The following DCAF1 variants were observed in gnomAD, a reference collection of about 807,000 sequenced individuals.
The protein encoded by DCAF1 is DDB1- and CUL4-associated factor 1.
DCAF1 carries 15 observed loss-of-function variants against 128.0 expected under a neutral mutation model. The ratio of observed to expected loss-of-function variants is 0.12; its 90% CI spans 0.08 to 0.18. The LOEUF (loss-of-function observed/expected upper bound fraction) is 0.18. Ranked by LOEUF, DCAF1 falls within the 10% of genes least tolerant of loss-of-function variation. The probability of loss-of-function intolerance (pLI) is 1.00; values close to 1 mark genes in which losing one functional copy is unlikely to be tolerated. For synonymous variants in DCAF1, 610 were observed against 603.0 expected (o/e 1.01, Z -0.17); for missense variants, 988 against 1,649.5 (o/e 0.60, Z 6.95).
intron 7 of DCAF1, among the ~76,000 whole-genome samples, chr3:51,442,912 G>T (rs1347396862): frequency 6.6e-6 from 1 of 152,134 alleles, no homozygotes; most frequent in Non-Finnish European, 1.5e-5. Flanking sequence ...ATACACACTG[G>T]GGCCTATCGA....
intron 21 of DCAF1, 79 bp downstream of exon 21, chr3:51,413,203 G>T: frequency 6.5e-7 from 1 of 1,547,966 alleles, no homozygotes; most frequent in Non-Finnish European, 8.7e-7. Flanking sequence ...AAAATTACAG[G>T]CCTCCAGAAA....
chr3:51,412,633 C>T lies in DCAF1; in HGVS notation c.4111-153G>A, dbSNP rs562619752. Among the ~76,000 whole-genome samples, 3 of 152,220 alleles carry T rather than the reference C, an allele frequency of 2.0e-5. No individual in the cohort carries two copies. The South Asian group carries it at 6.2e-4, about 32-fold the overall frequency. ...TGAGCTGACTATGAAAATGTTATAC[C>T]TAGGACACATAAAGGGGAAGAAAAA... On this transcript the variant is annotated intron_variant, in intron 22 of 24. Transcript: ENST00000684031.
chr3:51,498,702 CTCTT>C (rs1190915458), intron 1 of DCAF1, among the ~76,000 whole-genome samples: 1 of 152,212 alleles, frequency 6.6e-6, no homozygotes, highest in Non-Finnish European at 1.5e-5. Context: ...TCTCTATTAT[CTCTT>C]TAACATCCAA....
intron 2 of DCAF1, among the ~76,000 whole-genome samples, chr3:51,496,151 G>A (rs1708212177): frequency 6.6e-6 from 1 of 152,154 alleles, no homozygotes; most frequent in African/African-American, 2.4e-5. Context: ...ATTAGGCCGG[G>A]CGCAGTGGCT....
At chr3:51,453,324 C>T (rs1559529901) in intron 6 of DCAF1, among the ~76,000 whole-genome samples, 1 of 152,088 alleles carries the variant, frequency 6.6e-6, no homozygotes, top group Non-Finnish European at 1.5e-5. Context: ...GGGTCATACA[C>T]TTAACTATAA....
At chr3:51,466,154 A>G (rs1704105515) in intron 5 of DCAF1, among the ~76,000 whole-genome samples, 1 of 152,210 alleles carries the variant, frequency 6.6e-6, no homozygotes, top group East Asian at 1.9e-4. Context: ...GTAAGCCAAG[A>G]TTGTGCCACT....
downstream of DCAF1, chr3:51,397,815 G>GGTAAAAGAAAATA (rs1318495072): frequency 1.8e-5 from 3 of 166,956 alleles, no homozygotes; most frequent in East Asian, 5.8e-4. Flanking sequence ...ACCCCACTTC[G>GGTAAAAGAAAATA]GTAAAAGAAA....
In DCAF1 at chr3:51,466,803, T is replaced by C. The variant is rs1320353651; in HGVS notation, c.261A>G (p.Ala87=). The C allele has an allele frequency of 1.2e-6, 2 of 1,613,154 alleles. No individual in the cohort carries two copies. Among genetic ancestry groups the C allele is most frequent in the East Asian group, 2.2e-5 (1 of 44,872 alleles). ...ILFKNDDFMN[A]LVNAYVMTSR... is the part of the protein sequence containing the mutation. ...GGAGAAAAGTAAGAAGCAAACCTAC[T>C]GCATTCATGAAATCATCATTCTTGA... Residue 87 remains alanine (A), a splice_region_variant and synonymous_variant, in exon 5 of 25, where the codon GCA becomes GCG. Transcript: ENST00000684031.
chr3:51,477,235 A>G (rs114511028), intron 3 of DCAF1, among the ~76,000 whole-genome samples: 49 of 152,240 alleles, frequency 3.2e-4, no homozygotes, highest in African/African-American at 1.2e-3. Context: ...AAAAAGGTCA[A>G]TAAAAGAGCA....
chr3:51,484,747 A>G (rs1706720903), intron 2 of DCAF1, among the ~76,000 whole-genome samples: 1 of 149,452 alleles, frequency 6.7e-6, no homozygotes, highest in Non-Finnish European at 1.5e-5. Context: ...CAATGGCACA[A>G]TCTCGGCTCA....
In DCAF1 at chr3:51,418,837, A is replaced by G; in HGVS notation, c.3276T>C (p.Asp1092=). The G allele has an allele frequency of 2.5e-6, 4 of 1,613,874 alleles. No individual in the cohort carries two copies. Among genetic ancestry groups the G allele is most frequent in the Non-Finnish European group, 3.4e-6 (4 of 1,179,820 alleles). ...ATGCACAGCAGGTGAAGCCACTCTC[A>G]TCTTCATTGGCTTCCCGGAACACTG... The part of the protein sequence containing the change: ...PISVFREANE[D]ESGFTCCAFS... Residue 1092 remains aspartate (D), a synonymous_variant, in exon 16 of 25, where the codon GAT becomes GAC. Coordinates refer to ENST00000684031, the MANE Select transcript of DCAF1 (RefSeq NM_001387579.1).
chr3:51,454,976 C>A (rs917819862), intron 6 of DCAF1, among the ~76,000 whole-genome samples: 10 of 152,050 alleles, frequency 6.6e-5, no homozygotes, highest in Admixed American at 2.0e-4. Flanking sequence ...CCCGGCCTAC[C>A]CAGCCCCTAA....
intron 3 of DCAF1, among the ~76,000 whole-genome samples, chr3:51,473,386 C>T (rs1254544547): frequency 6.7e-6 from 1 of 148,700 alleles, no homozygotes; most frequent in Non-Finnish European, 1.5e-5. Context: ...AAATCAAACT[C>T]TCCTATGTGC....
At position 51,468,112 on chromosome 3, in the gene DCAF1, T is replaced by C. The variant is rs1403002496; in HGVS notation, c.188-1236A>G. 1.3e-5 allele frequency among the ~76,000 whole-genome samples: 2 copies of C among 152,178 alleles called. 1 individual carries two copies. Among genetic ancestry groups the C allele is most frequent in the South Asian group, 4.1e-4 (2 of 4,834 alleles). On this transcript the variant is annotated intron_variant, in intron 4 of 24. Coordinates refer to ENST00000684031, the MANE Select transcript of DCAF1 (RefSeq NM_001387579.1). ...AAGAAAGGAGGCCAGGGGCCTAGGA[T>C]CAACTCAATGCATAGCCTAACGATA...
rs1483994058 is a variant in DCAF1 at position 51,403,128 on chromosome 3, C to T, written c.4465+15G>A. On this transcript the variant is annotated intron_variant, in intron 24 of 24. Coordinates refer to ENST00000684031, the MANE Select transcript of DCAF1 (RefSeq NM_001387579.1). ...TGGGTGCCAAGGCTCAGCCTGAACT[C>T]TGCCCTATACTTACTGTCCCCCAGG... The T allele has an allele frequency of 6.3e-7, 1 of 1,597,736 alleles. No homozygotes were observed. Among genetic ancestry groups the T allele is most frequent in the Non-Finnish European group, 8.5e-7 (1 of 1,169,630 alleles).
At chr3:51,483,079 C>T (rs559629046) in intron 3 of DCAF1, among the ~76,000 whole-genome samples, 2 of 142,064 alleles carry the variant, frequency 1.4e-5, no homozygotes, top group South Asian at 4.5e-4. Context: ...GCGGAGGTTA[C>T]AGTAAGCTGA....
At chr3:51,498,077 A>G (rs1708431265) in intron 1 of DCAF1, among the ~76,000 whole-genome samples, 2 of 147,084 alleles carry the variant, frequency 1.4e-5, no homozygotes. Context: ...AAAAAAAAAA[A>G]AAAAGCCAGC....
At chr3:51,482,132 G>T (rs1048470390) in intron 3 of DCAF1, among the ~76,000 whole-genome samples, 1 of 151,816 alleles carries the variant, frequency 6.6e-6, no homozygotes, top group Admixed American at 6.6e-5. Context: ...TTTGGACATG[G>T]TCTGTTTCAG....
At chr3:51,441,317 C>T (rs1701336895) in intron 8 of DCAF1, 68 bp downstream of exon 8, 1 of 1,499,058 alleles carries the variant, frequency 6.7e-7, no homozygotes. Context: ...AAAATACTAC[C>T]ATAAAATACC....
Sources: gnomAD v4.1 joint callset for allele counts (sites outside exome capture counted in the v4.1 genomes callset) on GRCh38, gnomAD v4.1.1 for gene constraint, MANE v1.5 for transcripts, NCBI Gene and HGNC (gene_info 2026-07-23, HGNC 2026-07-21) for gene names.